OSMR: variants seen among roughly 807,000 people sequenced by gnomAD.
The protein encoded by OSMR is oncostatin M receptor.
OSMR carries 81 observed loss-of-function variants against 99.9 expected under a neutral mutation model. The ratio of observed to expected loss-of-function variants is 0.81; its 90% CI spans 0.68 to 0.97. The LOEUF is 0.97. Among genes scored for constraint, OSMR ranks in the 50% least tolerant of loss-of-function variants. The pLI is 0.00. For missense variants in OSMR, 1,099 were observed against 1,153.4 expected (o/e 0.95, Z 0.68); for synonymous variants, 406 against 410.4 (o/e 0.99, Z 0.13).
intron 6 of OSMR, among the ~76,000 whole-genome samples, chr5:38,885,696 G>T (rs535532048): frequency 3.9e-5 from 6 of 152,310 alleles, no homozygotes; most frequent in Admixed American, 2.0e-4. Context: ...GCATAGCATG[G>T]TAAGAAAGAC....
At position 38,933,186 on chromosome 5, in the gene OSMR, A is replaced by G. The variant is rs1746856270; in HGVS notation, c.2682A>G (p.Leu894=). The part of the protein sequence containing the change: ...LGLMTSPENV[L]KALEKNYMNS... ...TAATGACCTCACCTGAAAATGTACTAAAGGCACTAGAAAAAAACTACATGA... is the reference window on the plus strand; with the variant it reads ...TAATGACCTCACCTGAAAATGTACTGAAGGCACTAGAAAAAAACTACATGA... The change falls in exon 18 of 18, where the codon CTA becomes CTG. Residue 894 remains leucine (L), a synonymous_variant. Transcript: ENST00000274276. 5 of 1,614,158 alleles carry G rather than the reference A, an allele frequency of 3.1e-6. No homozygotes were observed. The highest frequency in any genetic ancestry group is 4.2e-6 in the Non-Finnish European group (5 of 1,180,010).
intron 11 of OSMR, chr5:38,919,629 T>G: frequency 3.5e-6 from 1 of 286,552 alleles, no homozygotes; most frequent in South Asian, 3.6e-5. Context: ...ATTAATTTCC[T>G]TCTTAGCCAT....
chr5:38,904,986 G>T (rs1404716048), intron 9 of OSMR, among the ~76,000 whole-genome samples: 1 of 152,132 alleles, frequency 6.6e-6, no homozygotes, highest in East Asian at 1.9e-4. Flanking sequence ...CTGTGGCAGG[G>T]TTTCCTCAGT....
At position 38,885,390 on chromosome 5, in the gene OSMR, G is replaced by A. The variant is rs746542626; in HGVS notation, c.745G>A (p.Asp249Asn). 2.5e-6 allele frequency: 4 copies of A among 1,613,790 alleles called. No individual in the cohort carries two copies. The Admixed American group carries it at 6.7e-5, about 27-fold the overall frequency. ...CAAGGACTTTTCTTGTGAAACCGAG[G>A]ACTTCAAGACTTTGCACTGTACTTG... ...EPKDFSCETE[D>N]FKTLHCTWDP... The change falls in exon 6 of 18, where the codon GAC (aspartate) becomes AAC (asparagine). Residue 249 changes from aspartate (D) to asparagine (N), a missense_variant. Transcript: ENST00000274276.
At chr5:38,925,958 A>G (rs571273602) in intron 15 of OSMR, among the ~76,000 whole-genome samples, 8 of 152,188 alleles carry the variant, frequency 5.3e-5, no homozygotes, top group Non-Finnish European at 7.4e-5. Context: ...TGAGGTGGAG[A>G]GATAGATCTT....
chr5:38,883,168 A>G (rs1389981530), intron 4 of OSMR, among the ~76,000 whole-genome samples: 4 of 152,302 alleles, frequency 2.6e-5, no homozygotes. Flanking sequence ...ACAAAAAATC[A>G]GCTGGGTGTG....
chr5:38,903,893 A>T lies in OSMR; in HGVS notation c.1003A>T (p.Asn335Tyr), dbSNP rs781368610. The change falls in exon 8 of 18, where the codon AAT (asparagine) becomes TAT (tyrosine). Residue 335 changes from asparagine to tyrosine, a missense_variant. Asn to Tyr is a moderately radical substitution (Grantham distance 143, BLOSUM62 -2). Coordinates refer to ENST00000274276, the MANE Select transcript of OSMR (RefSeq NM_003999.3). ...FNLTHRVYLM[N>Y]PFSVNFENVN... ...CTTTTTTTTGACAGTTTATTTAATGAATCCTTTTAGTGTCAACTTTGAAAA... is the reference window on the plus strand; with the variant it reads ...CTTTTTTTTGACAGTTTATTTAATGTATCCTTTTAGTGTCAACTTTGAAAA... 1.2e-6 allele frequency: 2 copies of T among 1,612,502 alleles called. No individual in the cohort carries two copies. Among genetic ancestry groups the T allele is most frequent in the African/African-American group, 1.3e-5 (1 of 74,938 alleles).
intron 1 of OSMR, among the ~76,000 whole-genome samples, chr5:38,867,423 G>A (rs184125519): frequency 3.9e-5 from 6 of 152,278 alleles, no homozygotes; most frequent in Admixed American, 3.3e-4. Flanking sequence ...CTGAATCGCT[G>A]GCTTTTGATA....
At chr5:38,863,464 G>A (rs1489457559) in intron 1 of OSMR, among the ~76,000 whole-genome samples, 1 of 152,192 alleles carries the variant, frequency 6.6e-6, no homozygotes, top group Non-Finnish European at 1.5e-5. Context: ...ATGAACCAGG[G>A]AGGCAGAGGT....
At chr5:38,854,918 C>T (rs1184225700) in intron 1 of OSMR, among the ~76,000 whole-genome samples, 1 of 152,202 alleles carries the variant, frequency 6.6e-6, no homozygotes, top group Admixed American at 6.5e-5. Flanking sequence ...ACTTCCTTTT[C>T]TCACTGGAAG....
At chr5:38,889,032 CTAG>C (rs1189852870) in intron 7 of OSMR, among the ~76,000 whole-genome samples, 1 of 151,920 alleles carries the variant, frequency 6.6e-6, no homozygotes, top group East Asian at 1.9e-4. Flanking sequence ...GATGAAAAGC[CTAG>C]TAGTAATGAT....
chr5:38,919,426 T>C, intron 11 of OSMR: 1 of 1,129,244 alleles, frequency 8.9e-7, no homozygotes, highest in South Asian at 1.4e-5. Flanking sequence ...GCATTTACTA[T>C]TTTGTAAAAA....
intron 1 of OSMR, among the ~76,000 whole-genome samples, chr5:38,857,416 G>C (rs963921402): frequency 5.3e-5 from 8 of 151,838 alleles, no homozygotes; most frequent in Non-Finnish European, 1.0e-4. Context: ...ACTTCCCCTT[G>C]CTTATGACTA....
At chr5:38,869,197 A>G (rs1243728956) in intron 2 of OSMR, 80 bp downstream of exon 2, 5 of 1,051,808 alleles carry the variant, frequency 4.8e-6, no homozygotes, top group Middle Eastern at 2.0e-4. Context: ...AAAAAGTTAA[A>G]CAGTTCTTTT....
At chr5:38,867,545 G>C (rs368542523) in intron 1 of OSMR, among the ~76,000 whole-genome samples, 9 of 152,278 alleles carry the variant, frequency 5.9e-5, no homozygotes, top group African/African-American at 2.2e-4. Flanking sequence ...TGCTTCCCCT[G>C]ACTAACACAT....
At chr5:38,938,083 A>C (rs931056944), downstream of OSMR, 1 of 206,674 alleles carries the variant, frequency 4.8e-6, no homozygotes, top group Non-Finnish European at 9.9e-6. Context: ...GACAAATCTT[A>C]TTTAAATTAT....
chr5:38,898,427 T>C (rs1254193541), intron 7 of OSMR, among the ~76,000 whole-genome samples: 2 of 152,228 alleles, frequency 1.3e-5, no homozygotes, highest in Non-Finnish European at 2.9e-5. Context: ...TCCTGTTTCT[T>C]TTTGGTTTCC....
intron 1 of OSMR, among the ~76,000 whole-genome samples, chr5:38,852,617 A>G (rs781523280): frequency 1.3e-5 from 2 of 149,624 alleles, no homozygotes; most frequent in African/African-American, 2.5e-5. Context: ...TTATGTATTC[A>G]TGTTTTTCTA....
At chr5:38,912,608 A>G (rs541798028) in intron 9 of OSMR, among the ~76,000 whole-genome samples, 1 of 152,306 alleles carries the variant, frequency 6.6e-6, no homozygotes, top group South Asian at 2.1e-4. Flanking sequence ...AAAAGAGCCT[A>G]TATAGACAAA....
Sources: allele counts gnomAD v4.1 joint callset (sites outside exome capture counted in the v4.1 genomes callset), GRCh38; gene constraint gnomAD v4.1.1; transcripts MANE v1.5; gene names NCBI Gene and HGNC (gene_info 2026-07-23, HGNC 2026-07-21).